HECW1: variants seen among roughly 807,000 people sequenced by gnomAD.
HECW1 encodes E3 ubiquitin-protein ligase HECW1.
A neutral mutation model predicts 182.3 loss-of-function variants in HECW1; 61 were observed. That is an observed-to-expected ratio of 0.33 (90% CI 0.27 to 0.41). HECW1 has a LOEUF of 0.41. Among genes scored for constraint, HECW1 ranks in the 10% least tolerant of loss-of-function variants. The pLI is 1.00. For synonymous variants in HECW1, 859 were observed against 832.6 expected, an observed-to-expected ratio of 1.03 and a Z score of -0.55; for missense variants, 1,739 against 2,108.9, an observed-to-expected ratio of 0.82 and a Z score of 3.44.
intron 3 of HECW1, among the ~76,000 whole-genome samples, chr7:43,246,677 G>C (rs968943646): frequency 2.0e-5 from 3 of 152,192 alleles, no homozygotes; most frequent in Non-Finnish European, 4.4e-5. Context: ...CCCAAAGATG[G>C]CTTTCTAAGC....
At chr7:43,454,272 T>G (rs2077329537) in intron 12 of HECW1, among the ~76,000 whole-genome samples, 1 of 152,212 alleles carries the variant, frequency 6.6e-6, no homozygotes, top group Non-Finnish European at 1.5e-5. Flanking sequence ...CTACACAGTT[T>G]GTTCAGTCAA....
intron 3 of HECW1, among the ~76,000 whole-genome samples, chr7:43,248,262 G>A (rs966184123): frequency 6.6e-5 from 10 of 152,150 alleles, no homozygotes; most frequent in African/African-American, 2.4e-4. Flanking sequence ...TCCTGACACA[G>A]AATGGGCATT....
intron 5 of HECW1, among the ~76,000 whole-genome samples, chr7:43,349,388 G>T (rs1043133328): frequency 6.6e-6 from 1 of 152,170 alleles, no homozygotes; most frequent in Non-Finnish European, 1.5e-5. Flanking sequence ...CCAAGGTATA[G>T]TTTAAGTCCA....
intron 2 of HECW1, among the ~76,000 whole-genome samples, chr7:43,145,533 A>G (rs1030197793): frequency 6.6e-6 from 1 of 152,172 alleles, no homozygotes; most frequent in Non-Finnish European, 1.5e-5. Context: ...CCTGGGCTCA[A>G]GCAATCCTCC....
intron 2 of HECW1, chr7:43,117,935 A>G (rs1036001214): frequency 3.9e-5 from 6 of 152,650 alleles, no homozygotes; most frequent in African/African-American, 1.2e-4. Flanking sequence ...CTGAAGCTTG[A>G]TGCATATGGA....
At chr7:43,252,257 T>C (rs57648935) in intron 3 of HECW1, among the ~76,000 whole-genome samples, 72,382 of 152,002 alleles carry the variant, frequency 0.48, 19,267 homozygotes, top group African/African-American at 0.72. Context: ...TGAGCATCCT[T>C]CCCAGGTTTC....
chr7:43,420,219 G>A (rs2076136245), intron 8 of HECW1, among the ~76,000 whole-genome samples: 2 of 152,146 alleles, frequency 1.3e-5, no homozygotes, highest in African/African-American at 4.8e-5. Context: ...AATAAATTTT[G>A]CTTCTAAGGG....
chr7:43,256,411 A>G (rs1562742625), intron 3 of HECW1, among the ~76,000 whole-genome samples: 2 of 152,158 alleles, frequency 1.3e-5, no homozygotes, highest in Non-Finnish European at 2.9e-5. Flanking sequence ...GGAGTTCAAG[A>G]CCAGCCTGGC....
In HECW1 at chr7:43,516,744, G is replaced by C. The variant is rs573034023; in HGVS notation, c.4019+7623G>C. On this transcript the variant is annotated intron_variant, in intron 24 of 29. Transcript: ENST00000395891. Reference sequence around the variant, plus strand: ...CATCACTAAGCAATTTTATCATTGCGTGAACATCATAGAGTGGAATTACAC... The same window carrying C: ...CATCACTAAGCAATTTTATCATTGCCTGAACATCATAGAGTGGAATTACAC... Among the ~76,000 whole-genome samples the C allele has an allele frequency of 4.0e-4, 61 of 152,312 alleles. 1 individual carries two copies. The highest frequency in any genetic ancestry group is 1.3e-4 in the Admixed American group (2 of 15,298).
At chr7:43,168,340 A>T (rs949747868) in intron 2 of HECW1, among the ~76,000 whole-genome samples, 1 of 152,172 alleles carries the variant, frequency 6.6e-6, no homozygotes, top group Non-Finnish European at 1.5e-5. Context: ...AGGTGAACAC[A>T]CAGAGACCTT....
At chr7:43,463,601 T>G in intron 13 of HECW1, 59 bp from the exon 14 acceptor site, 1 of 1,526,056 alleles carries the variant, frequency 6.6e-7, no homozygotes, top group Non-Finnish European at 9.0e-7. Context: ...GATTCAGAGT[T>G]TTGGCCCCCA....
intron 2 of HECW1, among the ~76,000 whole-genome samples, chr7:43,132,866 C>T (rs1364998082): frequency 3.3e-5 from 5 of 151,896 alleles, no homozygotes; most frequent in Admixed American, 1.3e-4. Flanking sequence ...AAAATTAGAA[C>T]GATAATAAAT....
At position 43,166,966 on chromosome 7, in the gene HECW1, G is replaced by T. The variant is rs892267072; in HGVS notation, c.-32+52575G>T. ...GGGGACTTCACCTCTCAGGCTGTAG[G>T]CAGCCACTGAATGACGCAAGGCAGG... On this transcript the variant is annotated intron_variant, in intron 2 of 29. Transcript: ENST00000395891. 8.5e-5 allele frequency among the ~76,000 whole-genome samples: 13 copies of T among 152,334 alleles called. No homozygotes were observed. In the East Asian group the frequency reaches 2.5e-3, roughly 29 times the overall value.
chr7:43,158,812 C>G (rs762795473), intron 2 of HECW1, among the ~76,000 whole-genome samples: 24 of 152,170 alleles, frequency 1.6e-4, no homozygotes, highest in Non-Finnish European at 3.2e-4. Flanking sequence ...GTGAATAGTT[C>G]AAAATACTTT....
At chr7:43,372,526 T>G (rs1043433597) in intron 6 of HECW1, among the ~76,000 whole-genome samples, 8 of 152,126 alleles carry the variant, frequency 5.3e-5, no homozygotes, top group African/African-American at 1.9e-4. Context: ...CGCTCCCCAC[T>G]GTTTTCCTTT....
intron 3 of HECW1, among the ~76,000 whole-genome samples, chr7:43,246,301 T>A (rs1799374839): frequency 6.6e-6 from 1 of 152,108 alleles, no homozygotes; most frequent in African/African-American, 2.4e-5. Context: ...AGACCTTGTC[T>A]CTAAAAAAGA....
At chr7:43,459,915 T>C (rs1018318997) in intron 13 of HECW1, among the ~76,000 whole-genome samples, 2 of 152,232 alleles carry the variant, frequency 1.3e-5, no homozygotes. Flanking sequence ...ATGATGGTGA[T>C]ATGTAGTTAG....
chr7:43,176,896 T>G (rs1055132805), intron 2 of HECW1, among the ~76,000 whole-genome samples: 2 of 152,188 alleles, frequency 1.3e-5, no homozygotes, highest in Non-Finnish European at 2.9e-5. Flanking sequence ...GCCACCTGCA[T>G]TGCAATTACG....
intron 8 of HECW1, among the ~76,000 whole-genome samples, chr7:43,415,184 G>A (rs547987747): frequency 1.3e-5 from 2 of 151,028 alleles, no homozygotes; most frequent in South Asian, 4.3e-4. Flanking sequence ...TCCTTTCCAT[G>A]TTTAGCACTT....
Sources: gnomAD v4.1 joint callset for allele counts (sites outside exome capture counted in the v4.1 genomes callset) on GRCh38, gnomAD v4.1.1 for gene constraint, MANE v1.5 for transcripts, NCBI Gene and HGNC (gene_info 2026-07-23, HGNC 2026-07-21) for gene names.